Variants in CPNE4 observed in about 807,000 individuals in gnomAD.
CPNE4 encodes the protein copine 4.
A neutral mutation model predicts 67.9 loss-of-function variants in CPNE4; 25 were observed. The ratio of observed to expected loss-of-function variants is 0.37; its 90% CI spans 0.27 to 0.51. The LOEUF is 0.51. CPNE4 is among the 20% of genes least tolerant of loss of function. The pLI is 0.93. For missense variants in CPNE4, 464 were observed against 690.8 expected, an observed-to-expected ratio of 0.67 and a Z score of 3.68; for synonymous variants, 242 against 244.9, an observed-to-expected ratio of 0.99 and a Z score of 0.11.
intron 2 of CPNE4, among the ~76,000 whole-genome samples, chr3:131,747,005 C>T (rs771826210): frequency 1.3e-5 from 2 of 152,000 alleles, no homozygotes; most frequent in Non-Finnish European, 1.5e-5. Context: ...TTTTGATTTG[C>T]ATTTCCCTGA....
intron 1 of CPNE4, among the ~76,000 whole-genome samples, chr3:131,914,274 C>T (rs1341374683): frequency 6.6e-6 from 1 of 152,130 alleles, no homozygotes; most frequent in Non-Finnish European, 1.5e-5. Context: ...GCTGTTCTGC[C>T]TCCTTATAGG....
At chr3:131,832,415 G>A (rs1251306734) in intron 2 of CPNE4, among the ~76,000 whole-genome samples, 5 of 152,148 alleles carry the variant, frequency 3.3e-5, no homozygotes, top group Non-Finnish European at 7.4e-5. Flanking sequence ...TTCTTTCAAG[G>A]ACTAGACAGA....
intron 2 of CPNE4, among the ~76,000 whole-genome samples, chr3:131,850,064 T>C: frequency 6.6e-6 from 1 of 152,144 alleles, no homozygotes; most frequent in African/African-American, 2.4e-5. Flanking sequence ...ATGACTGTTA[T>C]CCCCTTAATA....
At chr3:131,871,531 T>C (rs1192159108) in intron 2 of CPNE4, among the ~76,000 whole-genome samples, 4 of 152,198 alleles carry the variant, frequency 2.6e-5, no homozygotes, top group African/African-American at 9.6e-5. Flanking sequence ...TGCGCTATCC[T>C]GCTTCATTGG....
intron 2 of CPNE4, among the ~76,000 whole-genome samples, chr3:131,775,214 G>A (rs1327691570): frequency 2.0e-5 from 3 of 152,126 alleles, no homozygotes; most frequent in Admixed American, 1.3e-4. Flanking sequence ...GGAAGAAAAG[G>A]AGAGAAGTGT....
intron 6 of CPNE4, among the ~76,000 whole-genome samples, chr3:131,678,418 G>A (rs552122637): frequency 6.6e-5 from 10 of 152,134 alleles, no homozygotes; most frequent in Admixed American, 2.6e-4. Context: ...CTATTTGAAT[G>A]CCCTTTATTT....
At chr3:131,862,269 C>T (rs951468176) in intron 2 of CPNE4, among the ~76,000 whole-genome samples, 5 of 152,146 alleles carry the variant, frequency 3.3e-5, no homozygotes, top group Non-Finnish European at 7.3e-5. Flanking sequence ...GACAATATTT[C>T]CTGGTACAAA....
chr3:131,946,210 A>G (rs2071547545), intron 1 of CPNE4, among the ~76,000 whole-genome samples: 1 of 151,980 alleles, frequency 6.6e-6, no homozygotes, highest in South Asian at 2.1e-4. Flanking sequence ...ACAACCACCA[A>G]TCCACATTCC....
At chr3:131,567,230 A>C (rs1181128213) in intron 10 of CPNE4, among the ~76,000 whole-genome samples, 1 of 152,016 alleles carries the variant, frequency 6.6e-6, no homozygotes, top group East Asian at 1.9e-4. Context: ...AAATCCATAA[A>C]GAAAAATGGC....
At chr3:131,998,595 A>G (rs1420134160) in intron 1 of CPNE4, among the ~76,000 whole-genome samples, 1 of 152,158 alleles carries the variant, frequency 6.6e-6, no homozygotes, top group Non-Finnish European at 1.5e-5. Flanking sequence ...GACAGGAAAG[A>G]AAACATTTTT....
chr3:131,756,636 C>A (rs1016601387), intron 2 of CPNE4, among the ~76,000 whole-genome samples: 5 of 152,244 alleles, frequency 3.3e-5, no homozygotes, highest in African/African-American at 1.2e-4. Context: ...ACAGCCAACA[C>A]CTAAGGGGCT....
At chr3:131,544,339 T>C (rs538187349) in intron 14 of CPNE4, among the ~76,000 whole-genome samples, 1 of 152,290 alleles carries the variant, frequency 6.6e-6, no homozygotes, top group East Asian at 1.9e-4. Flanking sequence ...ATTTCATTTT[T>C]TTTCTGTGAG....
Position 131,759,542 on chromosome 3 carries a change from G to A in CPNE4, c.181-35917C>T, listed in dbSNP as rs376616448. 3.3e-5 allele frequency among the ~76,000 whole-genome samples: 5 copies of A among 152,156 alleles called. No individual in the cohort carries two copies. The East Asian group carries it at 9.7e-4, about 29-fold the overall frequency. ...TCCCCTGCCACTCAAGCAAACAAAT[G>A]GACATGGAGCCCTTAGGCCAAGCAA... On this transcript the variant is annotated intron_variant, in intron 2 of 15. Coordinates refer to ENST00000429747, the MANE Select transcript of CPNE4 (RefSeq NM_130808.3).
intron 6 of CPNE4, among the ~76,000 whole-genome samples, chr3:131,685,244 C>A (rs1422364706): frequency 6.6e-6 from 1 of 152,036 alleles, no homozygotes; most frequent in African/African-American, 2.4e-5. Context: ...ATGTAAATAA[C>A]AGTCTAATGC....
At chr3:131,979,086 T>C (rs72994805) in intron 1 of CPNE4, among the ~76,000 whole-genome samples, 16,539 of 152,108 alleles carry the variant, frequency 0.11, 2,979 homozygotes, top group African/African-American at 0.37. Flanking sequence ...TTTTAATTTA[T>C]TGAGGTTTAT....
chr3:132,006,692 T>G (rs952753897), intron 1 of CPNE4, among the ~76,000 whole-genome samples: 1 of 151,928 alleles, frequency 6.6e-6, no homozygotes, highest in Non-Finnish European at 1.5e-5. Flanking sequence ...TGAGCTGTTG[T>G]GTTAAAAAGT....
intron 2 of CPNE4, among the ~76,000 whole-genome samples, chr3:131,886,153 C>A (rs1298009316): frequency 6.6e-6 from 1 of 152,220 alleles, no homozygotes; most frequent in East Asian, 1.9e-4. Context: ...CCCAGGGTCC[C>A]CAAGCTGAGC....
intron 2 of CPNE4, among the ~76,000 whole-genome samples, chr3:131,883,174 G>C (rs2369226): frequency 2.6e-5 from 4 of 152,138 alleles, no homozygotes; most frequent in Non-Finnish European, 5.9e-5. Context: ...AAGTTACACT[G>C]TACCAGTACT....
At chr3:131,800,664 A>G (rs1329233888) in intron 2 of CPNE4, among the ~76,000 whole-genome samples, 3 of 152,116 alleles carry the variant, frequency 2.0e-5, no homozygotes, top group African/African-American at 7.2e-5. Context: ...AGATCATTCA[A>G]AAAAAGGAAT....
Sources: gnomAD v4.1 joint callset for allele counts (sites outside exome capture counted in the v4.1 genomes callset) on GRCh38, gnomAD v4.1.1 for gene constraint, MANE v1.5 for transcripts, NCBI Gene and HGNC (gene_info 2026-07-23, HGNC 2026-07-21) for gene names.